The following SLC13A3 variants were observed in gnomAD, a reference collection of about 807,000 sequenced individuals.
SLC13A3 encodes the protein solute carrier family 13 member 3, also known as Na(+)/dicarboxylate cotransporter 3.
SLC13A3 carries 40 observed loss-of-function variants against 59.0 expected under a neutral mutation model. That is an observed-to-expected ratio of 0.68 (90% CI 0.53 to 0.88). The LOEUF (loss-of-function observed/expected upper bound fraction) is 0.88, where lower values mean the gene tolerates loss of function less well. Among genes scored for constraint, SLC13A3 ranks in the 40% least tolerant of loss-of-function variants. SLC13A3 has a pLI of 0.00. For missense variants in SLC13A3, 699 were observed against 783.2 expected, an observed-to-expected ratio of 0.89 and a Z score of 1.28; for synonymous variants, 317 against 330.3, an observed-to-expected ratio of 0.96 and a Z score of 0.44.
intron 1 of SLC13A3, among the ~76,000 whole-genome samples, chr20:46,659,732 A>G (rs1369025162): frequency 1.3e-5 from 2 of 148,356 alleles, no homozygotes; most frequent in Admixed American, 1.3e-4. Context: ...CCAAAAAAAA[A>G]AAGAAAAAAC....
chr20:46,576,755 T>G (rs1316804490), intron 9 of SLC13A3, among the ~76,000 whole-genome samples: 1 of 152,178 alleles, frequency 6.6e-6, no homozygotes, highest in African/African-American at 2.4e-5. Context: ...TTTAAGGCAG[T>G]TTACCATCTC....
intron 10 of SLC13A3, among the ~76,000 whole-genome samples, chr20:46,566,972 G>T (rs2061986526): frequency 6.6e-6 from 1 of 152,024 alleles, no homozygotes; most frequent in Non-Finnish European, 1.5e-5. Context: ...GGGAGGCTGA[G>T]GTAGGCGGAT....
chr20:46,676,420 T>C (rs985390306), intron 1 of SLC13A3, among the ~76,000 whole-genome samples: 2 of 147,610 alleles, frequency 1.4e-5, no homozygotes, highest in African/African-American at 5.0e-5. Flanking sequence ...TCTTTTTTTT[T>C]TTTTTTTTTT....
chr20:46,660,165 A>T (rs2063020739), intron 1 of SLC13A3, among the ~76,000 whole-genome samples: 1 of 152,190 alleles, frequency 6.6e-6, no homozygotes, highest in African/African-American at 2.4e-5. Flanking sequence ...AAAGTATTTC[A>T]TATTTTCCCA....
chr20:46,613,635 C>T lies in SLC13A3; in HGVS notation c.202G>A (p.Val68Ile), dbSNP rs763705904. 5.4e-5 allele frequency: 87 copies of T among 1,611,810 alleles called. No homozygotes were observed. Among genetic ancestry groups the T allele is most frequent in the Non-Finnish European group, 7.0e-5 (83 of 1,179,092 alleles). The change falls in exon 2 of 13, where the codon GTC becomes ATC. Residue 68 changes from valine (V) to isoleucine (I), a missense_variant. Coordinates refer to ENST00000279027, the MANE Select transcript of SLC13A3 (RefSeq NM_022829.6). The stretch of plus-strand genomic sequence containing the variant: ...AAGATGCCCATGAAGGGGAAGAGGA[C>T]GATGGGCAGCAGCGCCGTCACTGAG... Reference protein sequence around the residue: ...PLSVTALLPIVLFPFMGILPS... With the variant: ...PLSVTALLPIILFPFMGILPS...
intron 3 of SLC13A3, among the ~76,000 whole-genome samples, chr20:46,601,037 G>A (rs1313734368): frequency 6.6e-6 from 1 of 152,048 alleles, no homozygotes; most frequent in African/African-American, 2.4e-5. Context: ...CAAAGGCCCG[G>A]CAGTAAGGAG....
At chr20:46,601,397 T>C (rs937386995) in intron 3 of SLC13A3, among the ~76,000 whole-genome samples, 6 of 152,068 alleles carry the variant, frequency 3.9e-5, no homozygotes, top group African/African-American at 1.2e-4. Context: ...TCAGTTCTTT[T>C]GAGATAAGAG....
At chr20:46,627,692 T>C (rs2062689503) in intron 1 of SLC13A3, among the ~76,000 whole-genome samples, 1 of 151,918 alleles carries the variant, frequency 6.6e-6, no homozygotes, top group Non-Finnish European at 1.5e-5. Context: ...CTCATCTAAG[T>C]GATTTGAATT....
intron 8 of SLC13A3, chr20:46,585,109 GA>G (rs1352254008): frequency 5.1e-6 from 5 of 975,284 alleles, no homozygotes; most frequent in African/African-American, 1.8e-5. Context: ...TGTTTTAAAA[GA>G]ATAAATTTGT....
intron 3 of SLC13A3, among the ~76,000 whole-genome samples, chr20:46,604,066 C>T (rs2062410890): frequency 6.6e-6 from 1 of 151,840 alleles, no homozygotes; most frequent in Non-Finnish European, 1.5e-5. Flanking sequence ...TATGGGTTAC[C>T]ATAGAGAAAG....
chr20:46,562,253 C>T (rs2061937600), intron 12 of SLC13A3, among the ~76,000 whole-genome samples: 1 of 152,174 alleles, frequency 6.6e-6, no homozygotes, highest in Non-Finnish European at 1.5e-5. Flanking sequence ...CCAAGTCTGT[C>T]CTGTCCCCGC....
Position 46,599,959 on chromosome 20 carries a change from C to A in SLC13A3, c.608+12G>T. On this transcript the variant is annotated intron_variant, in intron 4 of 12. Transcript: ENST00000279027. ...AGCACTGGGTCCTCTATGAATTTCA[C>A]CAGTAACTTACGCTTCTGTGCTGGC... The A allele has an allele frequency of 6.4e-7, 1 of 1,558,460 alleles. No homozygotes were observed. The highest frequency in any genetic ancestry group is 8.8e-7 in the Non-Finnish European group (1 of 1,141,178).
intron 12 of SLC13A3, among the ~76,000 whole-genome samples, chr20:46,562,921 A>G (rs1284360159): frequency 6.6e-6 from 1 of 152,136 alleles, no homozygotes; most frequent in Non-Finnish European, 1.5e-5. Context: ...GTGGAGAGGG[A>G]AAAGGCCGCA....
At chr20:46,583,098 A>T in intron 9 of SLC13A3, 1 of 984,690 alleles carries the variant, frequency 1.0e-6, no homozygotes, top group Non-Finnish European at 1.2e-6. Context: ...TGCAAAGGAC[A>T]AGAAAAATAA....
chr20:46,583,447 C>T (rs546529546), intron 9 of SLC13A3, 125 bp downstream of exon 9: 2 of 1,479,436 alleles, frequency 1.4e-6, no homozygotes, highest in South Asian at 1.4e-5. Flanking sequence ...ATGGCTCAGA[C>T]AGTGAAAGGA....
intron 1 of SLC13A3, among the ~76,000 whole-genome samples, chr20:46,625,972 G>C (rs1310858821): frequency 1.3e-5 from 2 of 152,172 alleles, no homozygotes; most frequent in Non-Finnish European, 2.9e-5. Flanking sequence ...GTGAACACTA[G>C]AATACATCTG....
chr20:46,679,640 G>A (rs2063144570), intron 1 of SLC13A3, among the ~76,000 whole-genome samples: 1 of 152,054 alleles, frequency 6.6e-6, no homozygotes, highest in South Asian at 2.1e-4. Flanking sequence ...TGGGGGATGG[G>A]CTCACGCCTG....
At chr20:46,590,205 G>A (rs1447841991) in intron 6 of SLC13A3, among the ~76,000 whole-genome samples, 1 of 151,746 alleles carries the variant, frequency 6.6e-6, no homozygotes, top group Non-Finnish European at 1.5e-5. Context: ...TAGATTAGAG[G>A]TTTAAATGTA....
rs139628664 is a variant in SLC13A3 at position 46,605,906 on chromosome 20, G to T, written c.541+4540C>A. Among the ~76,000 whole-genome samples the T allele has an allele frequency of 1.9e-3, 289 of 152,266 alleles. 3 individuals are homozygous for T. Among genetic ancestry groups the T allele is most frequent in the African/African-American group, 6.4e-3 (266 of 41,550 alleles). Reference sequence around the variant, plus strand: ...GGTCAAAAGCCCCCAAGTTAAGCAGGTTTATATCCATTTACTCACTTAGCA... The same window carrying T: ...GGTCAAAAGCCCCCAAGTTAAGCAGTTTTATATCCATTTACTCACTTAGCA... On this transcript the variant is annotated intron_variant, in intron 3 of 12. Coordinates refer to ENST00000279027, the MANE Select transcript of SLC13A3 (RefSeq NM_022829.6).
Sources: gnomAD v4.1 joint callset for allele counts (sites outside exome capture counted in the v4.1 genomes callset) on GRCh38, gnomAD v4.1.1 for gene constraint, MANE v1.5 for transcripts, NCBI Gene and HGNC (gene_info 2026-07-23, HGNC 2026-07-21) for gene names.